The following HPSE2 variants were observed in gnomAD, a reference collection of about 807,000 sequenced individuals.
HPSE2 encodes the protein heparanase 2 (inactive).
HPSE2 carries 38 observed loss-of-function variants against 60.5 expected under a neutral mutation model. That is an observed-to-expected ratio of 0.63 (90% CI 0.48 to 0.82). The LOEUF (loss-of-function observed/expected upper bound fraction) is 0.82. HPSE2 is among the 40% of genes least tolerant of loss of function. The pLI is 0.00. For synonymous variants in HPSE2, 295 were observed against 293.2 expected (o/e 1.01, Z -0.06); for missense variants, 713 against 740.4 (o/e 0.96, Z 0.43).
At chr10:98,970,790 T>C (rs980000080) in intron 3 of HPSE2, among the ~76,000 whole-genome samples, 1 of 152,140 alleles carries the variant, frequency 6.6e-6, no homozygotes, top group Non-Finnish European at 1.5e-5. Flanking sequence ...ACATGCCACA[T>C]TTGTAAAATG....
At chr10:98,803,510 G>T (rs1229209590) in intron 3 of HPSE2, among the ~76,000 whole-genome samples, 2 of 151,940 alleles carry the variant, frequency 1.3e-5, no homozygotes, top group African/African-American at 4.8e-5. Flanking sequence ...AAGGTGTAAG[G>T]AAGGGATCCA....
At chr10:98,748,116 T>A (rs1378374266) in intron 3 of HPSE2, among the ~76,000 whole-genome samples, 1 of 152,112 alleles carries the variant, frequency 6.6e-6, no homozygotes, top group Non-Finnish European at 1.5e-5. Flanking sequence ...CTAACCAACA[T>A]AGTGAAACTG....
intron 3 of HPSE2, among the ~76,000 whole-genome samples, chr10:99,031,921 A>T (rs1411125441): frequency 1.3e-5 from 2 of 152,204 alleles, no homozygotes; most frequent in African/African-American, 4.8e-5. Context: ...ATGGCAAGCT[A>T]TTAGGGATTT....
At chr10:98,530,678 G>C (rs144028476) in intron 9 of HPSE2, among the ~76,000 whole-genome samples, 1 of 152,140 alleles carries the variant, frequency 6.6e-6, no homozygotes, top group Non-Finnish European at 1.5e-5. Context: ...TGCTCTGCTC[G>C]GACTGGCTCC....
intron 3 of HPSE2, among the ~76,000 whole-genome samples, chr10:99,043,845 A>T (rs1275565555): frequency 6.6e-6 from 1 of 152,174 alleles, no homozygotes; most frequent in African/African-American, 2.4e-5. Flanking sequence ...AAATAAAAAA[A>T]ACTCCAAGAA....
At chr10:98,550,342 G>A (rs969382251) in intron 9 of HPSE2, among the ~76,000 whole-genome samples, 2 of 151,288 alleles carry the variant, frequency 1.3e-5, no homozygotes, top group African/African-American at 4.9e-5. Flanking sequence ...TTTGAGTGCA[G>A]TGGCACAGTC....
At chr10:99,010,726 C>T (rs1346502987) in intron 3 of HPSE2, among the ~76,000 whole-genome samples, 1 of 152,104 alleles carries the variant, frequency 6.6e-6, no homozygotes, top group African/African-American at 2.4e-5. Context: ...GATTCCTTTC[C>T]CATCCTAGCC....
intron 10 of HPSE2, among the ~76,000 whole-genome samples, chr10:98,488,921 T>C (rs982585762): frequency 6.6e-6 from 1 of 151,998 alleles, no homozygotes; most frequent in African/African-American, 2.4e-5. Flanking sequence ...CTGCCCCCCC[T>C]CTCCTCAGAG....
At chr10:98,853,685 A>G (rs1392753954) in intron 3 of HPSE2, among the ~76,000 whole-genome samples, 1 of 152,186 alleles carries the variant, frequency 6.6e-6, no homozygotes, top group East Asian at 1.9e-4. Context: ...TGAAACATAC[A>G]TATATGAATC....
intron 10 of HPSE2, among the ~76,000 whole-genome samples, chr10:98,484,290 T>G (rs955958560): frequency 6.6e-6 from 1 of 152,056 alleles, no homozygotes; most frequent in Non-Finnish European, 1.5e-5. Context: ...CAGGCTGGAG[T>G]GCAGTGGCAC....
chr10:99,155,757 G>C (rs1266098447), intron 2 of HPSE2, among the ~76,000 whole-genome samples: 1 of 148,926 alleles, frequency 6.7e-6, no homozygotes, highest in Non-Finnish European at 1.5e-5. Context: ...TAAAATCAGA[G>C]CAGAACTGAA....
intron 3 of HPSE2, among the ~76,000 whole-genome samples, chr10:98,970,495 C>G (rs749375497): frequency 6.6e-6 from 1 of 152,100 alleles, no homozygotes; most frequent in Non-Finnish European, 1.5e-5. Context: ...ATTATGGAAA[C>G]GTCTTTGCCC....
intron 3 of HPSE2, among the ~76,000 whole-genome samples, chr10:98,856,737 C>G (rs895525376): frequency 3.3e-5 from 5 of 152,092 alleles, no homozygotes; most frequent in South Asian, 4.1e-4. Flanking sequence ...TTTATCACTA[C>G]AAAGATTATT....
chr10:99,274,562 A>C, the HPSE2 span, among the ~76,000 whole-genome samples: 3 of 152,308 alleles, frequency 2.0e-5, no homozygotes, highest in African/African-American at 7.2e-5. Flanking sequence ...AAATATGTCA[A>C]GCCTGTAGTC....
chr10:98,635,005 G>A (rs1946460394), intron 7 of HPSE2, among the ~76,000 whole-genome samples: 1 of 152,266 alleles, frequency 6.6e-6, no homozygotes, highest in East Asian at 1.9e-4. Flanking sequence ...AGAGCACCCT[G>A]TAATAGGAAT....
At position 99,082,767 on chromosome 10, in the gene HPSE2, G is replaced by A. The variant is rs545675009; in HGVS notation, c.610+61471C>T. The stretch of plus-strand genomic sequence containing the variant: ...AGGGAATACAAACATCTTTAATTTT[G>A]CTATTATTTCTACCCTATTTTCGAG... On this transcript the variant is annotated intron_variant, in intron 3 of 11. Coordinates refer to ENST00000370552, the MANE Select transcript of HPSE2 (RefSeq NM_021828.5). Among the ~76,000 whole-genome samples, 3 of 152,040 alleles carry A rather than the reference G, an allele frequency of 2.0e-5. No individual in the cohort carries two copies. The South Asian group carries it at 6.2e-4, about 32-fold the overall frequency.
At chr10:98,831,886 T>A (rs1358227160) in intron 3 of HPSE2, among the ~76,000 whole-genome samples, 1 of 152,202 alleles carries the variant, frequency 6.6e-6, no homozygotes, top group African/African-American at 2.4e-5. Flanking sequence ...ATAAATAGAC[T>A]TTCAACCGAT....
At chr10:99,259,503 T>C in the HPSE2 span, among the ~76,000 whole-genome samples, 3,561 of 152,138 alleles carry the variant, frequency 0.023, 62 homozygotes, top group Non-Finnish European at 0.037. Context: ...CCAAAGAAGA[T>C]ACATGAATCA....
intron 3 of HPSE2, among the ~76,000 whole-genome samples, chr10:98,958,575 G>T (rs78766089): frequency 0.11 from 17,086 of 151,912 alleles, 1,022 homozygotes; most frequent in South Asian, 0.21. Flanking sequence ...TTAAGAGACA[G>T]GCAGTATTAT....
Sources: gnomAD v4.1 joint callset for allele counts (sites outside exome capture counted in the v4.1 genomes callset) on GRCh38, gnomAD v4.1.1 for gene constraint, MANE v1.5 for transcripts, NCBI Gene and HGNC (gene_info 2026-07-23, HGNC 2026-07-21) for gene names.